KCNMB2: variants seen among roughly 807,000 people sequenced by gnomAD.
KCNMB2 encodes the protein calcium-activated potassium channel subunit beta-2.
In KCNMB2, 9 loss-of-function variants were observed where a neutral mutation model predicts 24.5. The ratio of observed to expected loss-of-function variants is 0.37; its 90% CI spans 0.22 to 0.64. The LOEUF (loss-of-function observed/expected upper bound fraction) is 0.64. KCNMB2 is among the 30% of genes least tolerant of loss of function. KCNMB2 has a pLI of 0.63. For synonymous variants in KCNMB2, 109 were observed against 104.4 expected (o/e 1.04, Z -0.27); for missense variants, 226 against 284.3 (o/e 0.79, Z 1.47).
At chr3:178,827,893 C>A (rs766317097) in intron 3 of KCNMB2, among the ~76,000 whole-genome samples, 2 of 152,172 alleles carry the variant, frequency 1.3e-5, no homozygotes, top group Admixed American at 6.5e-5. Context: ...CCTCATGTTA[C>A]CAGTGAGTTC....
chr3:178,728,739 T>C (rs150445774), intron 1 of KCNMB2, among the ~76,000 whole-genome samples: 48 of 152,284 alleles, frequency 3.2e-4, no homozygotes, highest in Non-Finnish European at 5.7e-4. Flanking sequence ...TTCTTCAAAA[T>C]GAGCTTTTCT....
intron 1 of KCNMB2, among the ~76,000 whole-genome samples, chr3:178,580,099 T>A (rs1418629085): frequency 6.6e-6 from 1 of 152,202 alleles, no homozygotes; most frequent in African/African-American, 2.4e-5. Context: ...TCAGGCCTGA[T>A]GAACATTGAT....
rs1560101804 is a variant in KCNMB2 at position 178,536,628 on chromosome 3, C to T, written c.-151C>T. On this transcript the variant is annotated 5_prime_UTR_variant, in exon 1 of 5. Transcript: ENST00000452583. ...AGGCACAAGAGGTAATGATGATTAC[C>T]GGTGGCTATTTGGAGGACTGCACCG... 2 of 152,172 alleles carry T rather than the reference C, an allele frequency of 1.3e-5. No individual in the cohort carries two copies. The highest frequency in any genetic ancestry group is 2.9e-5 in the Non-Finnish European group (2 of 68,036). The allele number at this position is 152,172 out of a possible 1,614,324, so 9.4% of individuals were successfully genotyped here.
At chr3:178,727,875 A>G (rs768435751) in intron 1 of KCNMB2, among the ~76,000 whole-genome samples, 26 of 152,208 alleles carry the variant, frequency 1.7e-4, no homozygotes, top group Non-Finnish European at 1.5e-4. Context: ...GAAAACTAAT[A>G]TAATCCCCTC....
chr3:178,543,004 A>G (rs190534538), intron 1 of KCNMB2, among the ~76,000 whole-genome samples: 59 of 152,228 alleles, frequency 3.9e-4, no homozygotes, highest in African/African-American at 1.2e-3. Context: ...ATTAGTGCAT[A>G]CTGCCTATGA....
At chr3:178,644,259 AAGGGCACC>A (rs1719829728) in intron 1 of KCNMB2, among the ~76,000 whole-genome samples, 1 of 152,248 alleles carries the variant, frequency 6.6e-6, no homozygotes, top group African/African-American at 2.4e-5. Context: ...ACTCCAGGCA[AAGGGCACC>A]AGTGTGCAAA....
chr3:178,611,534 C>A (rs1285088855), intron 1 of KCNMB2, among the ~76,000 whole-genome samples: 1 of 152,092 alleles, frequency 6.6e-6, no homozygotes, highest in Non-Finnish European at 1.5e-5. Flanking sequence ...GAAACCCCGT[C>A]TCTACTAAAA....
Position 178,697,302 on chromosome 3 carries a change from A to G in KCNMB2, c.-67-110041A>G, listed in dbSNP as rs150235735. Among the ~76,000 whole-genome samples, 177 of 152,274 alleles carry G rather than the reference A, an allele frequency of 1.2e-3. 2 individuals are homozygous for G. In the East Asian group the frequency reaches 0.012, roughly 10 times the overall value. On this transcript the variant is annotated intron_variant, in intron 1 of 4. Coordinates refer to ENST00000452583, the MANE Select transcript of KCNMB2 (RefSeq NM_181361.3). ...CTGAGTGCTCCTGTGTTGGGTACAT[A>G]TATATTTAGGATAGTTAGATCTTCT...
intron 1 of KCNMB2, among the ~76,000 whole-genome samples, chr3:178,619,671 T>G (rs1718838987): frequency 6.6e-6 from 1 of 152,158 alleles, no homozygotes; most frequent in South Asian, 2.1e-4. Context: ...CCACAGAAAG[T>G]AAAATGAATT....
chr3:178,643,939 T>C (rs1394380804), intron 1 of KCNMB2, among the ~76,000 whole-genome samples: 1 of 152,216 alleles, frequency 6.6e-6, no homozygotes, highest in Non-Finnish European at 1.5e-5. Context: ...TAGAGGCATA[T>C]GCCAGTCTTT....
chr3:178,695,593 G>A (rs1001610583), intron 1 of KCNMB2, among the ~76,000 whole-genome samples: 1 of 151,926 alleles, frequency 6.6e-6, no homozygotes, highest in African/African-American at 2.4e-5. Context: ...CTAGGTCAGG[G>A]GTAAAAAATC....
intron 1 of KCNMB2, among the ~76,000 whole-genome samples, chr3:178,648,578 A>G (rs1268773046): frequency 6.6e-6 from 1 of 152,184 alleles, no homozygotes; most frequent in Non-Finnish European, 1.5e-5. Context: ...AACATAAAAA[A>G]TAAGTCATTT....
chr3:178,759,589 ATATC>A (rs1192022683), intron 1 of KCNMB2, among the ~76,000 whole-genome samples: 2 of 131,582 alleles, frequency 1.5e-5, no homozygotes, highest in African/African-American at 2.9e-5. Flanking sequence ...ATATATACAT[ATATC>A]TCTCTCCAAG....
Position 178,646,095 on chromosome 3 carries a change from T to C in KCNMB2, c.-68+109384T>C, listed in dbSNP as rs369175150. ...CGTCTCATCTGAACACAAGAAAATGTAGCTTGGAACAAAAAAGGTGACAGT... is the reference window on the plus strand; with the variant it reads ...CGTCTCATCTGAACACAAGAAAATGCAGCTTGGAACAAAAAAGGTGACAGT... On this transcript the variant is annotated intron_variant, in intron 1 of 4. Coordinates refer to ENST00000452583, the MANE Select transcript of KCNMB2 (RefSeq NM_181361.3). Among the ~76,000 whole-genome samples, 3 of 152,248 alleles carry C rather than the reference T, an allele frequency of 2.0e-5. No individual in the cohort carries two copies. The South Asian group carries it at 6.2e-4, about 32-fold the overall frequency.
chr3:178,712,447 G>T (rs1354679236), intron 1 of KCNMB2, among the ~76,000 whole-genome samples: 1 of 152,216 alleles, frequency 6.6e-6, no homozygotes, highest in Non-Finnish European at 1.5e-5. Flanking sequence ...CCAGGTGCCA[G>T]CCGAGAGTCT....
chr3:178,750,455 A>T (rs941669174), intron 1 of KCNMB2, among the ~76,000 whole-genome samples: 1 of 152,212 alleles, frequency 6.6e-6, no homozygotes, highest in African/African-American at 2.4e-5. Flanking sequence ...GTCTTCATTG[A>T]TAAGGGCAAT....
chr3:178,538,365 C>A (rs1392865792), intron 1 of KCNMB2, among the ~76,000 whole-genome samples: 1 of 152,166 alleles, frequency 6.6e-6, no homozygotes, highest in Non-Finnish European at 1.5e-5. Flanking sequence ...CCTTCTCCAG[C>A]CAACTGACCA....
intron 1 of KCNMB2, among the ~76,000 whole-genome samples, chr3:178,766,222 C>A (rs1712113703): frequency 6.6e-6 from 1 of 152,096 alleles, no homozygotes; most frequent in African/African-American, 2.4e-5. Context: ...GAGATAGGGC[C>A]TTTCTCTGTC....
chr3:178,671,185 A>T (rs1461497797), intron 1 of KCNMB2, among the ~76,000 whole-genome samples: 1 of 151,356 alleles, frequency 6.6e-6, no homozygotes, highest in Non-Finnish European at 1.5e-5. Flanking sequence ...ACCTGCAGAG[A>T]TCTAAAGAAA....
Sources: allele counts gnomAD v4.1 joint callset (sites outside exome capture counted in the v4.1 genomes callset), GRCh38; gene constraint gnomAD v4.1.1; transcripts MANE v1.5; gene names NCBI Gene and HGNC (gene_info 2026-07-23, HGNC 2026-07-21).